The following MAPK14 variants were observed in gnomAD, a reference collection of about 807,000 sequenced individuals.
The protein encoded by MAPK14 is mitogen-activated protein kinase 14.
In MAPK14, 16 loss-of-function variants were observed where a neutral mutation model predicts 49.6. The ratio of observed to expected loss-of-function variants is 0.32; its 90% confidence interval spans 0.22 to 0.49. The LOEUF (loss-of-function observed/expected upper bound fraction) is 0.49, where lower values mean the gene tolerates loss of function less well. Ranked by LOEUF, MAPK14 falls within the 20% of genes least tolerant of loss-of-function variation. MAPK14 has a pLI of 0.99. For synonymous variants in MAPK14, 142 were observed against 158.0 expected, an observed-to-expected ratio of 0.90 and a Z score of 0.76; for missense variants, 200 against 441.2, an observed-to-expected ratio of 0.45 and a Z score of 4.90.
At chr6:36,051,268 A>T (rs1763384896) in intron 1 of MAPK14, among the ~76,000 whole-genome samples, 1 of 151,996 alleles carries the variant, frequency 6.6e-6, no homozygotes, top group Non-Finnish European at 1.5e-5. Flanking sequence ...GGCACCTGCC[A>T]CTGCGCCTAA....
intron 9 of MAPK14, chr6:36,100,214 C>T (rs1339042227): frequency 3.7e-6 from 6 of 1,613,032 alleles, no homozygotes; most frequent in Non-Finnish European, 4.2e-6. Context: ...GCAGATTATG[C>T]GTCTGACAGG....
chr6:36,080,168 C>T (rs1764696346), intron 8 of MAPK14, among the ~76,000 whole-genome samples: 1 of 152,122 alleles, frequency 6.6e-6, no homozygotes, highest in Admixed American at 6.5e-5. Flanking sequence ...AAACTCCTGG[C>T]CTCAAGTGAT....
chr6:36,092,474 A>G, intron 8 of MAPK14: 1 of 622,958 alleles, frequency 1.6e-6, no homozygotes, highest in Non-Finnish European at 3.0e-6. Flanking sequence ...CTACATCATC[A>G]CCAGTCTGTT....
At chr6:36,086,578 T>C (rs1287380064) in intron 8 of MAPK14, among the ~76,000 whole-genome samples, 2 of 152,136 alleles carry the variant, frequency 1.3e-5, no homozygotes, top group East Asian at 1.9e-4. Context: ...CCTGGACACA[T>C]ATGACCTCCC....
chr6:36,107,240 A>AG lies in MAPK14; in HGVS notation c.842-215_842-214insG. 1.4e-5 allele frequency among the ~76,000 whole-genome samples: 2 copies of AG among 145,484 alleles called. No homozygotes were observed. Among genetic ancestry groups the AG allele is most frequent in the South Asian group, 4.4e-4 (2 of 4,514 alleles). On this transcript the variant is annotated intron_variant, in intron 10 of 11. Coordinates refer to ENST00000229794, the MANE Select transcript of MAPK14 (RefSeq NM_139012.3). This position sits in a 1 kb window ranked among gnomAD's most constrained non-coding sequence, Gnocchi z 4.3. ...GTACCCCCAAATCAAAAATAAAATA[A>AG]AAAAATTTTAAAACATAGAAAATAC...
rs1429164029 is a variant in MAPK14 at position 36,028,748 on chromosome 6, G to A, written c.116+475G>A. Among the ~76,000 whole-genome samples, 1 of 150,682 alleles carries A rather than the reference G, an allele frequency of 6.6e-6. No homozygotes were observed. The highest frequency in any genetic ancestry group is 1.5e-5 in the Non-Finnish European group (1 of 67,880). On this transcript the variant is annotated intron_variant, in intron 1 of 11. Transcript: ENST00000229794. This position sits in a 1 kb window ranked among gnomAD's most constrained non-coding sequence, Gnocchi z 5.1. ...GGCACAGCCCAACCCGAAGACTGCGGTCATCTGAACAAAACTGACCAGGAA... is the reference window on the plus strand; with the variant it reads ...GGCACAGCCCAACCCGAAGACTGCGATCATCTGAACAAAACTGACCAGGAA...
At chr6:36,104,370 G>C (rs1242568829) in intron 10 of MAPK14, among the ~76,000 whole-genome samples, 3 of 152,076 alleles carry the variant, frequency 2.0e-5, no homozygotes, top group Non-Finnish European at 4.4e-5. Flanking sequence ...AGGATGTTGG[G>C]AAAAGATGTT....
In MAPK14 at chr6:36,075,225, CAA is replaced by C. The variant is rs70975130; in HGVS notation, c.496-600_496-599del. On this transcript the variant is annotated intron_variant, in intron 6 of 11. Transcript: ENST00000229794. ...TGGGCAACAGAGCAAGACTCCGTCT[CAA>C]AAAAAAAAAAAAAAAAAAAAAAGTT... 8.4e-4 allele frequency among the ~76,000 whole-genome samples: 53 copies of C among 62,930 alleles called. No homozygotes were observed. The East Asian group carries it at 0.01, about 12-fold the overall frequency. 41.3% of individuals were successfully genotyped at this position (62,930 alleles called of 152,430 possible).
In MAPK14 at chr6:36,076,037, A is replaced by G. The variant is rs1764519389; in HGVS notation, c.610+75A>G. ...GCATTTGGGATTCTCAGAAATAGAG[A>G]TGGTGGGAGTGGGAAGAAATGTCTT... is the stretch of plus-strand genomic sequence containing the variant. On this transcript the variant is annotated intron_variant, in intron 7 of 11. Transcript: ENST00000229794. 5.4e-6 allele frequency: 8 copies of G among 1,469,394 alleles called. No homozygotes were observed. In the Admixed American group the frequency reaches 1.3e-4, roughly 24 times the overall value. 91.0% of individuals were successfully genotyped at this position (1,469,394 alleles called of 1,614,324 possible).
At chr6:36,056,902 C>T (rs1199422274) in intron 2 of MAPK14, among the ~76,000 whole-genome samples, 2 of 152,072 alleles carry the variant, frequency 1.3e-5, no homozygotes, top group Non-Finnish European at 2.9e-5. Context: ...GACCAGAGGT[C>T]TTAAGCCAGG....
intron 1 of MAPK14, among the ~76,000 whole-genome samples, chr6:36,040,643 G>A (rs1762929228): frequency 6.6e-6 from 1 of 152,186 alleles, no homozygotes; most frequent in Admixed American, 6.5e-5. Flanking sequence ...CAACTAATTA[G>A]TGAGGGAGAC....
At chr6:36,030,620 G>A (rs1433790566) in intron 1 of MAPK14, among the ~76,000 whole-genome samples, 1 of 150,346 alleles carries the variant, frequency 6.7e-6, no homozygotes, top group Non-Finnish European at 1.5e-5. Context: ...CCGGGAGGCG[G>A]AGGTTGCAAT....
the MAPK14 span, among the ~76,000 whole-genome samples, chr6:36,124,117 C>G: frequency 1.1e-3 from 51 of 46,314 alleles, 3 homozygotes; most frequent in East Asian, 0.023. Context: ...CTCTCTCTCT[C>G]TCCTCCCTCC....
the MAPK14 span, among the ~76,000 whole-genome samples, chr6:36,123,177 T>C: frequency 6.6e-6 from 1 of 152,078 alleles, no homozygotes; most frequent in African/African-American, 2.4e-5. Flanking sequence ...ATCTGGCTCA[T>C]GCAGAGCTTC....
intron 9 of MAPK14, 93 bp from the exon 10 acceptor site, chr6:36,102,478 G>T (rs1269501297): frequency 4.3e-6 from 4 of 934,128 alleles, no homozygotes; most frequent in East Asian, 4.8e-5. Context: ...GACTTTGTCA[G>T]TTAACACTCG....
chr6:36,028,393 T>C lies in MAPK14; in HGVS notation c.116+120T>C, dbSNP rs1581715803. 2.9e-6 allele frequency: 2 copies of C among 684,338 alleles called. No individual in the cohort carries two copies. The highest frequency in any genetic ancestry group is 5.1e-5 in the Admixed American group (2 of 38,978). The allele number at this position is 684,338 out of a possible 1,614,324, so 42.4% of individuals were successfully genotyped here. On this transcript the variant is annotated intron_variant, in intron 1 of 11. Transcript: ENST00000229794. This position sits in a 1 kb window ranked among gnomAD's most constrained non-coding sequence, Gnocchi z 5.1. ...CAGGAATTTTCCTCGGGGGAGGGCA[T>C]TGCTGCCCCTTCGAGCTCTGCCCGT...
intron 3 of MAPK14, among the ~76,000 whole-genome samples, chr6:36,069,304 G>T (rs1169901074): frequency 6.6e-6 from 1 of 152,280 alleles, no homozygotes; most frequent in African/African-American, 2.4e-5. Context: ...ATTTTTAGAA[G>T]TTGGTGCATC....
At chr6:36,073,545 A>C in intron 4 of MAPK14, 146 bp from the exon 5 acceptor site, 1 of 638,446 alleles carries the variant, frequency 1.6e-6, no homozygotes, top group Non-Finnish European at 2.7e-6. Context: ...GTAAATGTAC[A>C]CAATACTGAT....
At chr6:36,101,115 G>C (rs1409344180) in intron 9 of MAPK14, among the ~76,000 whole-genome samples, 1 of 152,134 alleles carries the variant, frequency 6.6e-6, no homozygotes, top group East Asian at 1.9e-4. Context: ...TTTCAAAGCA[G>C]ACCTTTCCTC....
Sources: allele counts gnomAD v4.1 joint callset (sites outside exome capture counted in the v4.1 genomes callset), GRCh38; gene constraint gnomAD v4.1.1; non-coding constraint Gnocchi (gnomAD v3.1); transcripts MANE v1.5; gene names NCBI Gene and HGNC (gene_info 2026-07-23, HGNC 2026-07-21).